The following PTK2B variants were observed in gnomAD, a reference collection of about 807,000 sequenced individuals.
PTK2B encodes the protein protein tyrosine kinase 2 beta, also known as protein-tyrosine kinase 2-beta.
PTK2B carries 71 observed loss-of-function variants against 142.9 expected under a neutral mutation model. The observed-to-expected ratio is 0.50, with a 90% CI of 0.41 to 0.61. The LOEUF is 0.61. PTK2B is among the 20% of genes least tolerant of loss of function. PTK2B has a pLI of 0.00. For synonymous variants in PTK2B, 519 were observed against 503.4 expected, an observed-to-expected ratio of 1.03 and a Z score of -0.42; for missense variants, 1,105 against 1,320.4, an observed-to-expected ratio of 0.84 and a Z score of 2.53.
intron 1 of PTK2B, among the ~76,000 whole-genome samples, chr8:27,341,759 T>C (rs145359159): frequency 3.3e-5 from 5 of 152,266 alleles, no homozygotes; most frequent in African/African-American, 1.2e-4. Context: ...ATGCAGCTTC[T>C]ACCTCCCAGG....
Position 27,437,873 on chromosome 8 carries a change from G to C in PTK2B, c.1636G>C (p.Val546Leu). 1 of 1,610,434 alleles carries C rather than the reference G, an allele frequency of 6.2e-7. No homozygotes were observed. Among genetic ancestry groups the C allele is most frequent in the East Asian group, 2.2e-5 (1 of 44,802 alleles). ...AMAYLESINC[V>L]HRDIAVRNIL... ...GGCCTACCTGGAGAGCATCAACTGCGTGCACAGGTAGGGGTGGAGGGAGTG... is the reference window on the plus strand; with the variant it reads ...GGCCTACCTGGAGAGCATCAACTGCCTGCACAGGTAGGGGTGGAGGGAGTG... The change falls in exon 18 of 31, where the codon GTG becomes CTG. Residue 546 changes from valine (V) to leucine (L), a missense_variant. Transcript: ENST00000346049.
intron 1 of PTK2B, among the ~76,000 whole-genome samples, chr8:27,346,392 G>A (rs990578491): frequency 2.6e-5 from 4 of 151,972 alleles, no homozygotes; most frequent in African/African-American, 7.3e-5. Context: ...TACAAAATAC[G>A]AAAATTAGCC....
intron 1 of PTK2B, among the ~76,000 whole-genome samples, chr8:27,336,813 G>A (rs1308959205): frequency 1.3e-5 from 2 of 152,072 alleles, no homozygotes; most frequent in Admixed American, 6.6e-5. Flanking sequence ...GTTTCAAATT[G>A]ATCCAAAAGG....
chr8:27,311,358 G>A (rs1563449686), upstream of PTK2B: 26 of 1,269,440 alleles, frequency 2.0e-5, no homozygotes, highest in Non-Finnish European at 2.5e-5. Context: ...AACGCTGAGA[G>A]ACAGCGGCGC....
chr8:27,396,129 G>A (rs1022263457), intron 1 of PTK2B: 1 of 152,194 alleles, frequency 6.6e-6, no homozygotes, highest in African/African-American at 2.4e-5. Flanking sequence ...CCCCTGACCT[G>A]AAGGACATGC....
intron 21 of PTK2B, among the ~76,000 whole-genome samples, chr8:27,442,642 C>T (rs188243035): frequency 7.4e-4 from 112 of 152,318 alleles, no homozygotes; most frequent in African/African-American, 2.4e-3. Flanking sequence ...GACGCTTTTC[C>T]ACCTTGGATC....
intron 1 of PTK2B, among the ~76,000 whole-genome samples, chr8:27,330,984 C>T (rs1298252541): frequency 1.3e-5 from 2 of 152,158 alleles, no homozygotes; most frequent in Non-Finnish European, 2.9e-5. Context: ...CAAGCCTTCC[C>T]GTTTCCTAGC....
At chr8:27,336,011 C>G (rs1383698256) in intron 1 of PTK2B, among the ~76,000 whole-genome samples, 1 of 152,136 alleles carries the variant, frequency 6.6e-6, no homozygotes, top group Non-Finnish European at 1.5e-5. Context: ...CTTTCCGGGT[C>G]TCAGGCTCGT....
At chr8:27,410,965 T>G (rs982260319) in intron 2 of PTK2B, among the ~76,000 whole-genome samples, 6 of 152,216 alleles carry the variant, frequency 3.9e-5, no homozygotes, top group African/African-American at 1.4e-4. Context: ...AACCAGGCTG[T>G]GAGCCATGGG....
intron 2 of PTK2B, among the ~76,000 whole-genome samples, chr8:27,398,087 C>A (rs146291682): frequency 4.6e-5 from 7 of 152,348 alleles, no homozygotes; most frequent in African/African-American, 1.4e-4. Context: ...ATACTTGAAG[C>A]TCTGCAAGGG....
intron 2 of PTK2B, among the ~76,000 whole-genome samples, chr8:27,417,803 T>C (rs934997415): frequency 2.0e-5 from 3 of 152,092 alleles, no homozygotes; most frequent in African/African-American, 4.8e-5. Context: ...AAATTAGATA[T>C]TAGCCAAGTA....
intron 1 of PTK2B, among the ~76,000 whole-genome samples, chr8:27,381,667 A>G (rs1398749727): frequency 6.6e-6 from 1 of 152,236 alleles, no homozygotes; most frequent in Non-Finnish European, 1.5e-5. Context: ...AAAAATCCCT[A>G]GTAGTGGGAT....
At chr8:27,361,784 T>C (rs1321393578) in intron 1 of PTK2B, among the ~76,000 whole-genome samples, 1 of 152,194 alleles carries the variant, frequency 6.6e-6, no homozygotes, top group Non-Finnish European at 1.5e-5. Flanking sequence ...AGTACAGTCC[T>C]GGGGTCCTCT....
intron 1 of PTK2B, among the ~76,000 whole-genome samples, chr8:27,379,187 A>T (rs766588758): frequency 6.6e-6 from 1 of 152,208 alleles, no homozygotes; most frequent in Non-Finnish European, 1.5e-5. Flanking sequence ...TAGATGTATC[A>T]TGGAAATCAA....
chr8:27,408,012 A>G (rs1808828309), intron 2 of PTK2B, among the ~76,000 whole-genome samples: 1 of 152,192 alleles, frequency 6.6e-6, no homozygotes, highest in Non-Finnish European at 1.5e-5. Flanking sequence ...CTTTACTGTA[A>G]TCTCTTTGAG....
At chr8:27,412,065 C>A (rs1478382608) in intron 2 of PTK2B, among the ~76,000 whole-genome samples, 1 of 152,176 alleles carries the variant, frequency 6.6e-6, no homozygotes, top group African/African-American at 2.4e-5. Context: ...CAAGGCTTTG[C>A]CCTCCAGACA....
At chr8:27,382,373 G>A (rs1295493599) in intron 1 of PTK2B, among the ~76,000 whole-genome samples, 2 of 152,122 alleles carry the variant, frequency 1.3e-5, no homozygotes, top group East Asian at 1.9e-4. Context: ...TTGGATGAAC[G>A]GTTTTCACAT....
In PTK2B at chr8:27,453,085, C is replaced by G. The variant is rs540117924; in HGVS notation, c.2549-29C>G. ...GGAAGGGTTGGAGTGCTGAGAACTG[C>G]CCCCCACTTGCTGTTCTTTTTATTG... On this transcript the variant is annotated intron_variant, in intron 27 of 30. Coordinates refer to ENST00000346049, the MANE Select transcript of PTK2B (RefSeq NM_173176.3). The G allele has an allele frequency of 6.2e-6, 10 of 1,612,862 alleles. No homozygotes were observed. In the African/African-American group the frequency reaches 1.1e-4, roughly 17 times the overall value.
At chr8:27,433,659 G>T (rs1810585842) in intron 11 of PTK2B, 107 bp downstream of exon 11, 4 of 986,990 alleles carry the variant, frequency 4.1e-6, no homozygotes, top group Non-Finnish European at 6.2e-6. Flanking sequence ...AGTGAATGAG[G>T]ATTCTTCCCC....
Sources: gnomAD v4.1 joint callset for allele counts (sites outside exome capture counted in the v4.1 genomes callset) on GRCh38, gnomAD v4.1.1 for gene constraint, MANE v1.5 for transcripts, NCBI Gene and HGNC (gene_info 2026-07-23, HGNC 2026-07-21) for gene names.